Variants in WDR7 observed in about 807,000 individuals in gnomAD.
WDR7 encodes the protein WD repeat domain 7.
WDR7 carries 46 observed loss-of-function variants against 169.4 expected under a neutral mutation model. The observed-to-expected ratio is 0.27, with a 90% confidence interval of 0.21 to 0.35. The LOEUF (loss-of-function observed/expected upper bound fraction) is 0.35, where lower values mean the gene tolerates loss of function less well. Ranked by LOEUF, WDR7 falls within the 10% of genes least tolerant of loss-of-function variation. WDR7 has a pLI of 1.00. For synonymous variants in WDR7, 612 were observed against 666.8 expected (o/e 0.92, Z 1.27); for missense variants, 1,534 against 1,859.3 (o/e 0.83, Z 3.22).
At chr18:56,903,784 C>A (rs1001688467) in intron 21 of WDR7, among the ~76,000 whole-genome samples, 103 of 152,084 alleles carry the variant, frequency 6.8e-4, no homozygotes, top group Non-Finnish European at 7.5e-4. Flanking sequence ...TTACTATGGA[C>A]CACAAGTAGA....
chr18:56,738,806 T>C (rs1851392255), intron 14 of WDR7, among the ~76,000 whole-genome samples: 1 of 137,112 alleles, frequency 7.3e-6, no homozygotes, highest in African/African-American at 3.3e-5. Flanking sequence ...TCCTTTTTTT[T>C]TTTTTTTTTT....
chr18:56,715,435 G>A (rs1426125989), intron 12 of WDR7, among the ~76,000 whole-genome samples: 1 of 152,210 alleles, frequency 6.6e-6, no homozygotes, highest in Non-Finnish European at 1.5e-5. Flanking sequence ...GACTTTCGAC[G>A]TGGGGACTAG....
intron 1 of WDR7, among the ~76,000 whole-genome samples, chr18:56,661,878 GCA>G (rs138471799): frequency 6.6e-6 from 1 of 151,412 alleles, no homozygotes; most frequent in Non-Finnish European, 1.5e-5. Context: ...AAATGCACAA[GCA>G]CACACACACA....
At chr18:56,683,523 C>G (rs1358192270) in intron 5 of WDR7, among the ~76,000 whole-genome samples, 1 of 152,094 alleles carries the variant, frequency 6.6e-6, no homozygotes, top group Admixed American at 6.6e-5. Flanking sequence ...CAGTAAATAA[C>G]CACCACCACT....
intron 22 of WDR7, among the ~76,000 whole-genome samples, chr18:56,928,486 A>G (rs2046837141): frequency 6.6e-6 from 1 of 152,170 alleles, no homozygotes. Flanking sequence ...ATAAATCTCA[A>G]ACATAATTTC....
rs2046535597 is a variant in WDR7 at position 56,910,316 on chromosome 18, T to C, written c.3527-13606T>C. On this transcript the variant is annotated intron_variant, in intron 21 of 27. Transcript: ENST00000254442. ...CATATATGTTAGTAGCTTCTATAGA[T>C]ATGAATATATGATATTAGAAGCAAT... Among the ~76,000 whole-genome samples the C allele has an allele frequency of 2.6e-5, 4 of 152,194 alleles. No individual in the cohort carries two copies. The South Asian group carries it at 8.3e-4, about 31-fold the overall frequency.
intron 26 of WDR7, among the ~76,000 whole-genome samples, chr18:57,012,647 C>T (rs1311451645): frequency 6.6e-6 from 1 of 152,210 alleles, no homozygotes; most frequent in African/African-American, 2.4e-5. Flanking sequence ...AGACATCACT[C>T]AAGGTCTTTG....
chr18:56,781,672 C>T lies in WDR7; in HGVS notation c.3190+16C>T, dbSNP rs779248158. 3.8e-6 allele frequency: 6 copies of T among 1,571,936 alleles called. No individual in the cohort carries two copies. Among genetic ancestry groups the T allele is most frequent in the Middle Eastern group, 3.4e-4 (2 of 5,884 alleles). ...GTCATATCACGTAAGAGTTCTCATG[C>T]TTCTCTACAAAGCTTTGCAGGAATA... On this transcript the variant is annotated intron_variant, in intron 19 of 27. Coordinates refer to ENST00000254442, the MANE Select transcript of WDR7 (RefSeq NM_015285.3).
chr18:56,682,610 C>G, intron 4 of WDR7, 69 bp from the exon 5 acceptor site: 2 of 1,458,568 alleles, frequency 1.4e-6, no homozygotes, highest in Non-Finnish European at 1.9e-6. Flanking sequence ...TTGATGAATG[C>G]ATATTAATCA....
chr18:57,025,663 CAT>C (rs781741919), intron 27 of WDR7, among the ~76,000 whole-genome samples: 2 of 152,088 alleles, frequency 1.3e-5, no homozygotes, highest in African/African-American at 2.4e-5. Flanking sequence ...TAACATTAGT[CAT>C]CTTAAAAGGG....
chr18:56,961,979 T>G (rs2047345003), intron 25 of WDR7, among the ~76,000 whole-genome samples: 1 of 152,168 alleles, frequency 6.6e-6, no homozygotes, highest in Non-Finnish European at 1.5e-5. Flanking sequence ...GAGTAAATAG[T>G]GTTTACTCTT....
chr18:56,681,191 T>A (rs1417104500), intron 3 of WDR7, 122 bp from the exon 4 acceptor site: 1 of 753,208 alleles, frequency 1.3e-6, no homozygotes, highest in African/African-American at 1.9e-5. Context: ...CAGTAATAAC[T>A]GTATGCTACT....
chr18:56,941,889 G>A (rs1366344904), intron 25 of WDR7, among the ~76,000 whole-genome samples: 2 of 152,156 alleles, frequency 1.3e-5, no homozygotes, highest in East Asian at 3.9e-4. Context: ...ACTCTGCCAT[G>A]GAATGGCATC....
chr18:56,938,417 C>T, intron 23 of WDR7, 116 bp from the exon 24 acceptor site: 1 of 1,299,858 alleles, frequency 7.7e-7, no homozygotes, highest in Non-Finnish European at 1.0e-6. Context: ...TTTTCTGACT[C>T]ACCCACAAGA....
intron 20 of WDR7, among the ~76,000 whole-genome samples, chr18:56,877,637 T>C (rs2046042855): frequency 6.6e-6 from 1 of 152,236 alleles, no homozygotes; most frequent in Non-Finnish European, 1.5e-5. Flanking sequence ...TGTTGGTGTG[T>C]TTATCTGTTG....
At chr18:56,985,689 G>C (rs1307452797) in intron 26 of WDR7, among the ~76,000 whole-genome samples, 1 of 151,712 alleles carries the variant, frequency 6.6e-6, no homozygotes, top group South Asian at 2.1e-4. Flanking sequence ...TTTTATATTG[G>C]AGGTTTTATA....
intron 20 of WDR7, among the ~76,000 whole-genome samples, chr18:56,831,643 CT>C (rs2045310504): frequency 6.6e-6 from 1 of 152,044 alleles, no homozygotes; most frequent in Admixed American, 6.6e-5. Flanking sequence ...CCTGGTTCAT[CT>C]CACTGAGACT....
intron 21 of WDR7, among the ~76,000 whole-genome samples, chr18:56,895,500 G>A (rs765836008): frequency 6.6e-6 from 1 of 151,124 alleles, no homozygotes; most frequent in Non-Finnish European, 1.5e-5. Flanking sequence ...TTTTTTTACA[G>A]TGAATAGATA....
At chr18:56,830,104 C>T (rs1212800860) in intron 20 of WDR7, among the ~76,000 whole-genome samples, 2 of 152,132 alleles carry the variant, frequency 1.3e-5, no homozygotes, top group African/African-American at 4.8e-5. Context: ...TTTGGGAGCA[C>T]TTAGAAGAAA....
Sources: allele counts gnomAD v4.1 joint callset (sites outside exome capture counted in the v4.1 genomes callset), GRCh38; gene constraint gnomAD v4.1.1; transcripts MANE v1.5; gene names NCBI Gene and HGNC (gene_info 2026-07-23, HGNC 2026-07-21).